HECTD4: variants seen among roughly 807,000 people sequenced by gnomAD.
HECTD4 encodes probable E3 ubiquitin-protein ligase HECTD4.
In HECTD4, 114 loss-of-function variants were observed where a neutral mutation model predicts 471.5. The observed-to-expected ratio is 0.24, with a 90% confidence interval of 0.21 to 0.28. HECTD4 has a LOEUF of 0.28. HECTD4 is among the 10% of genes least tolerant of loss of function. The pLI is 1.00. For synonymous variants in HECTD4, 2,012 were observed against 2,256.0 expected (o/e 0.89, Z 3.07); for missense variants, 3,866 against 5,651.5 (o/e 0.68, Z 10.13).
intron 1 of HECTD4, among the ~76,000 whole-genome samples, chr12:112,375,914 C>CAA (rs755533332): frequency 2.1e-4 from 22 of 105,118 alleles, no homozygotes; most frequent in Admixed American, 9.7e-5. Context: ...ACTAAAAATA[C>CAA]AAAAAAAAAA....
chr12:112,218,875 C>T (rs1566076632), intron 45 of HECTD4, among the ~76,000 whole-genome samples: 1 of 152,092 alleles, frequency 6.6e-6, no homozygotes, highest in Admixed American at 6.6e-5. Context: ...GCTGGGATTA[C>T]TGATGTGCAC....
Position 112,210,203 on chromosome 12 carries a change from TC to T in HECTD4, c.7678del (p.Glu2560LysfsTer15). 1 of 1,613,970 alleles carries T rather than the reference TC, an allele frequency of 6.2e-7. No homozygotes were observed. Among genetic ancestry groups the T allele is most frequent in the Non-Finnish European group, 8.5e-7 (1 of 1,179,860 alleles). ...AGCAGCATTGCGGTGGGCCTGCCCT[TC>T]CGCGTAGGCAAACGGCCGGGAGCCA... ...NFGSRPFAYA[E>X]GQAHRNAADL... On this transcript the variant is annotated frameshift_variant, in exon 50 of 76. Transcript: ENST00000682272. LOFTEE classifies it high-confidence loss of function.
At chr12:112,267,779 T>C (rs1055074502) in intron 13 of HECTD4, among the ~76,000 whole-genome samples, 2 of 152,206 alleles carry the variant, frequency 1.3e-5, no homozygotes, top group African/African-American at 4.8e-5. Flanking sequence ...GAATCTTTTT[T>C]CTTTTCATTA....
intron 70 of HECTD4, 140 bp downstream of exon 70, chr12:112,169,363 G>T: frequency 1.0e-6 from 1 of 978,026 alleles, no homozygotes; most frequent in Non-Finnish European, 1.5e-6. Flanking sequence ...AGGCCACTCT[G>T]GGTGCAGACC....
In HECTD4 at chr12:112,233,675, C is replaced by G. The variant is rs1013212725; in HGVS notation, c.5916-590G>C. ...TAGAAATCCAGATGAAAATAATGCA[C>G]AAAATGAAAAACTGACATGAACCCA... On this transcript the variant is annotated intron_variant, in intron 37 of 75. Coordinates refer to ENST00000682272, the MANE Select transcript of HECTD4 (RefSeq NM_001388303.1). Among the ~76,000 whole-genome samples, 3 of 152,192 alleles carry G rather than the reference C, an allele frequency of 2.0e-5. No homozygotes were observed. The South Asian group carries it at 6.2e-4, about 32-fold the overall frequency.
chr12:112,216,739 C>A lies in HECTD4; in HGVS notation c.7385+34G>T, dbSNP rs764253149. On this transcript the variant is annotated intron_variant, in intron 47 of 75. Transcript: ENST00000682272. ...ATACACACCTTGTGGGAGGCTACTGCTCTCTGTCACACTGAGCTACTTCTT... is the reference window on the plus strand; with the variant it reads ...ATACACACCTTGTGGGAGGCTACTGATCTCTGTCACACTGAGCTACTTCTT... 1.6e-5 allele frequency: 25 copies of A among 1,606,062 alleles called. No homozygotes were observed. In the South Asian group the frequency reaches 2.8e-4, roughly 18 times the overall value.
chr12:112,324,025 C>CTTT (rs2035668799), intron 1 of HECTD4, among the ~76,000 whole-genome samples: 3 of 30,412 alleles, frequency 9.9e-5, no homozygotes, highest in African/African-American at 3.5e-4. Context: ...TTCCTTCCTT[C>CTTT]CTTCCTTCCT....
chr12:112,276,882 A>T (rs1408868543), intron 9 of HECTD4, among the ~76,000 whole-genome samples: 1 of 152,262 alleles, frequency 6.6e-6, no homozygotes, highest in African/African-American at 2.4e-5. Flanking sequence ...AATCACAATG[A>T]GGTACAACTT....
chr12:112,243,792 CGA>C lies in HECTD4; in HGVS notation c.4650-33_4650-32del. 6.2e-7 allele frequency: 1 copy of C among 1,609,250 alleles called. No homozygotes were observed. The highest frequency in any genetic ancestry group is 1.3e-5 in the African/African-American group (1 of 74,956). ...GGGAACACAGAACAGACTGGCAAGA[CGA>C]GAAACACACTCAGGGAGCTTGTTTT... On this transcript the variant is annotated intron_variant, in intron 30 of 75. Transcript: ENST00000682272. The surrounding 1 kb of genome is among the most constrained non-coding windows in gnomAD (Gnocchi z 6.6).
intron 44 of HECTD4, among the ~76,000 whole-genome samples, chr12:112,220,062 C>T (rs2033045155): frequency 1.3e-5 from 2 of 152,114 alleles, no homozygotes; most frequent in African/African-American, 4.8e-5. Flanking sequence ...ACTTGCAATA[C>T]TGGGTAACAA....
At chr12:112,299,728 A>G (rs2035123309) in intron 7 of HECTD4, among the ~76,000 whole-genome samples, 1 of 152,184 alleles carries the variant, frequency 6.6e-6, no homozygotes, top group African/African-American at 2.4e-5. Flanking sequence ...TTATCTCCAA[A>G]AAGATTTTTT....
chr12:112,162,605 A>G lies in HECTD4; in HGVS notation c.13121-82T>C. On this transcript the variant is annotated intron_variant, in intron 75 of 75. Coordinates refer to ENST00000682272, the MANE Select transcript of HECTD4 (RefSeq NM_001388303.1). This position sits in a 1 kb window ranked among gnomAD's most constrained non-coding sequence, Gnocchi z 5.2. ...GGAAGCTGGGCTGGCCTCTGCTTCC[A>G]GGTTTGCCTCCTTGGGTAGCCCCAA... The G allele has an allele frequency of 1.3e-6, 2 of 1,565,514 alleles. No individual in the cohort carries two copies. The highest frequency in any genetic ancestry group is 1.7e-6 in the Non-Finnish European group (2 of 1,146,114).
intron 62 of HECTD4, among the ~76,000 whole-genome samples, chr12:112,181,360 T>C (rs778181267): frequency 4.6e-5 from 7 of 152,184 alleles, no homozygotes; most frequent in Non-Finnish European, 1.0e-4. Flanking sequence ...TACAATATTA[T>C]TTCTCTTACT....
At chr12:112,305,282 G>A (rs1395865488) in intron 7 of HECTD4, among the ~76,000 whole-genome samples, 3 of 151,812 alleles carry the variant, frequency 2.0e-5, no homozygotes, top group African/African-American at 4.8e-5. Context: ...GATCTAAAGC[G>A]CCGTGGCTCC....
intron 1 of HECTD4, among the ~76,000 whole-genome samples, chr12:112,335,311 T>C (rs768185753): frequency 6.6e-6 from 1 of 152,164 alleles, no homozygotes; most frequent in Non-Finnish European, 1.5e-5. Context: ...TTCTCACTTG[T>C]AAGTGGGAGC....
intron 1 of HECTD4, among the ~76,000 whole-genome samples, chr12:112,337,026 A>T (rs746686279): frequency 3.9e-5 from 6 of 152,226 alleles, no homozygotes; most frequent in Admixed American, 6.5e-5. Context: ...TTCCAATGCT[A>T]GGAAGCTATT....
chr12:112,165,544 G>T (rs1174841160), intron 72 of HECTD4, among the ~76,000 whole-genome samples: 1 of 151,776 alleles, frequency 6.6e-6, no homozygotes, highest in Admixed American at 6.6e-5. Context: ...GTAGAGACGG[G>T]GTTTCACTGT....
At chr12:112,217,775 C>G (rs1420414245) in intron 45 of HECTD4, among the ~76,000 whole-genome samples, 2 of 152,156 alleles carry the variant, frequency 1.3e-5, no homozygotes, top group Non-Finnish European at 2.9e-5. Flanking sequence ...CCTCTTATAG[C>G]CCCCATGTAG....
chr12:112,341,131 T>C (rs1420355398), intron 1 of HECTD4, among the ~76,000 whole-genome samples: 1 of 152,232 alleles, frequency 6.6e-6, no homozygotes, highest in Admixed American at 6.5e-5. Flanking sequence ...TGGCACATAA[T>C]AGATGCTAGA....
Sources: gnomAD v4.1 joint callset for allele counts (sites outside exome capture counted in the v4.1 genomes callset) on GRCh38, gnomAD v4.1.1 for gene constraint, Gnocchi (gnomAD v3.1) non-coding constraint, MANE v1.5 for transcripts, NCBI Gene and HGNC (gene_info 2026-07-23, HGNC 2026-07-21) for gene names.